The following FAM13B variants were observed in gnomAD, a reference collection of about 807,000 sequenced individuals.
FAM13B encodes the protein family with sequence similarity 13 member B.
Under a neutral mutation model 117.3 loss-of-function variants are expected in FAM13B, and 60 were observed. The ratio of observed to expected loss-of-function variants is 0.51; its 90% CI spans 0.42 to 0.63. The LOEUF is 0.63. Ranked by LOEUF, FAM13B falls within the 30% of genes least tolerant of loss-of-function variation. The pLI, the probability that FAM13B is intolerant of heterozygous loss-of-function variation, is 0.00. For missense variants in FAM13B, 972 were observed against 1,091.9 expected (o/e 0.89, Z 1.55); for synonymous variants, 332 against 356.1 (o/e 0.93, Z 0.76).
chr5:138,046,788 C>A (rs1486372585), intron 1 of FAM13B, among the ~76,000 whole-genome samples: 1 of 151,888 alleles, frequency 6.6e-6, no homozygotes, highest in Non-Finnish European at 1.5e-5. Flanking sequence ...ACTCTGTCAC[C>A]CAGGCTGGAG....
chr5:138,037,974 AAC>A (rs1791316729), upstream of FAM13B, among the ~76,000 whole-genome samples: 1 of 152,244 alleles, frequency 6.6e-6, no homozygotes, highest in African/African-American at 2.4e-5. Context: ...CAAATAGGGA[AAC>A]AGACTTAAAT....
At chr5:138,031,519 T>C (rs1277498019) in intron 1 of FAM13B, among the ~76,000 whole-genome samples, 2 of 152,050 alleles carry the variant, frequency 1.3e-5, no homozygotes, top group African/African-American at 4.8e-5. Context: ...ATCTGATCTC[T>C]ACCAAAAATA....
chr5:138,049,210 G>A (rs1451694127), intron 1 of FAM13B, among the ~76,000 whole-genome samples: 7 of 152,168 alleles, frequency 4.6e-5, no homozygotes, highest in Admixed American at 4.6e-4. Context: ...CCAAAGTGCT[G>A]GGATTACAGG....
rs141572995 is a variant in FAM13B, at chr5:138,047,874, CCCAG to C, written c.-203+4000_-203+4003del. Among the ~76,000 whole-genome samples, 15 of 152,314 alleles carry C rather than the reference CCCAG, an allele frequency of 9.8e-5. 1 individual carries two copies. In the East Asian group the frequency reaches 2.7e-3, roughly 27 times the overall value. ...TATTCCTCTAGGGGCCTGACTTTAG[CCCAG>C]TGAGACCCACGTCAGACTGCTGACC... is the stretch of plus-strand genomic sequence containing the variant. On this transcript the variant is annotated intron_variant, in intron 1 of 3. Transcript: ENST00000502471.
At chr5:138,040,586 AAAG>A (rs747338438) in intron 1 of FAM13B, among the ~76,000 whole-genome samples, 7 of 152,118 alleles carry the variant, frequency 4.6e-5, no homozygotes, top group South Asian at 4.1e-4. Context: ...AACAAACAAA[AAAG>A]AAGGAGATAA....
chr5:138,023,691 C>G (rs1166027224), intron 1 of FAM13B, among the ~76,000 whole-genome samples: 1 of 152,158 alleles, frequency 6.6e-6, no homozygotes, highest in Non-Finnish European at 1.5e-5. Flanking sequence ...ACCTCAGCCT[C>G]TTGAGTAGCT....
intron 1 of FAM13B, among the ~76,000 whole-genome samples, chr5:138,050,318 T>G (rs1467544685): frequency 6.6e-6 from 1 of 152,120 alleles, no homozygotes; most frequent in Non-Finnish European, 1.5e-5. Flanking sequence ...ACGCCTGTAA[T>G]CCCAGCTACT....
intron 10 of FAM13B, among the ~76,000 whole-genome samples, chr5:137,972,453 C>T (rs1291358453): frequency 4.0e-5 from 6 of 150,554 alleles, no homozygotes; most frequent in East Asian, 1.9e-4. Flanking sequence ...ATTGATGGGA[C>T]GTATCTCAAA....
chr5:138,049,459 G>A (rs1319777715), intron 1 of FAM13B, among the ~76,000 whole-genome samples: 2 of 151,412 alleles, frequency 1.3e-5, no homozygotes, highest in East Asian at 3.9e-4. Flanking sequence ...TTTTAGTAGA[G>A]GTGGGGTTTC....
intron 1 of FAM13B, among the ~76,000 whole-genome samples, chr5:138,043,179 C>T (rs1040159822): frequency 1.3e-5 from 2 of 152,008 alleles, no homozygotes; most frequent in Middle Eastern, 3.2e-3. Context: ...GCCTGAGCAC[C>T]ATAGTGAGAC....
In FAM13B at chr5:138,018,949, G is replaced by GTA. The variant is rs750133656; in HGVS notation, c.157+4_157+5dup. On this transcript the variant is annotated splice_donor_region_variant and intron_variant, in intron 3 of 23. Coordinates refer to ENST00000689681, the MANE Select transcript of FAM13B (RefSeq NM_001385994.1). ...AAGCTAGCCCTCAAAGTAAGGAAAT[G>GTA]TATACCATGTTCCTCAATATAGTCC... The GTA allele has an allele frequency of 1.2e-6, 2 of 1,604,696 alleles. No homozygotes were observed. Among genetic ancestry groups the GTA allele is most frequent in the East Asian group, 4.5e-5 (2 of 44,818 alleles).
chr5:137,973,091 A>C (rs1485587570), intron 10 of FAM13B, among the ~76,000 whole-genome samples: 1 of 152,332 alleles, frequency 6.6e-6, no homozygotes, highest in East Asian at 1.9e-4. Context: ...CTTTCTTCAC[A>C]GAATTGGAAA....
chr5:137,978,712 A>G (rs1774759448), intron 10 of FAM13B, among the ~76,000 whole-genome samples: 2 of 152,094 alleles, frequency 1.3e-5, no homozygotes, highest in African/African-American at 4.8e-5. Context: ...TTTTCCTCCA[A>G]AGAGCTAGAA....
intron 7 of FAM13B, among the ~76,000 whole-genome samples, chr5:137,994,638 T>TA (rs1285983619): frequency 1.3e-5 from 2 of 152,168 alleles, no homozygotes; most frequent in Non-Finnish European, 2.9e-5. Flanking sequence ...AAAGACCACA[T>TA]AAAAATGCTA....
intron 1 of FAM13B, among the ~76,000 whole-genome samples, chr5:138,032,560 C>T (rs1332043028): frequency 6.6e-6 from 1 of 152,294 alleles, no homozygotes; most frequent in African/African-American, 2.4e-5. Context: ...GCTGCCACAC[C>T]CCCCGGCAGC....
chr5:137,964,020 T>C (rs145151296), intron 10 of FAM13B, among the ~76,000 whole-genome samples: 1 of 152,160 alleles, frequency 6.6e-6, no homozygotes, highest in Non-Finnish European at 1.5e-5. Flanking sequence ...TCTGGGCACA[T>C]GAAATAACCA....
chr5:137,986,341 T>TA (rs571344423), intron 9 of FAM13B, among the ~76,000 whole-genome samples: 5,854 of 147,162 alleles, frequency 0.04, 148 homozygotes, highest in Middle Eastern at 0.069. Context: ...AAAACTGTCT[T>TA]AAAAAAAAAA....
intron 6 of FAM13B, among the ~76,000 whole-genome samples, chr5:138,010,033 T>C (rs992757993): frequency 2.0e-5 from 3 of 152,100 alleles, no homozygotes; most frequent in Middle Eastern, 3.2e-3. Flanking sequence ...CAGGCTGAAG[T>C]GCAGTGCTAC....
chr5:137,941,898 TGAGTTA>T lies in FAM13B; in HGVS notation c.2690+40_2690+45del. On this transcript the variant is annotated intron_variant, in intron 23 of 23. Coordinates refer to ENST00000689681, the MANE Select transcript of FAM13B (RefSeq NM_001385994.1). ...ATTATTTCAACATATGGTCAGTTTG[TGAGTTA>T]GAGAAGAAAGATGACTCAATTTTGT... is the stretch of plus-strand genomic sequence containing the variant. 2.1e-6 allele frequency: 3 copies of T among 1,439,450 alleles called. No homozygotes were observed. In the South Asian group the frequency reaches 3.5e-5, roughly 17 times the overall value. The allele number at this position is 1,439,450 out of a possible 1,614,324, so 89.2% of individuals were successfully genotyped here. A position where few individuals can be genotyped will look rare whatever the true frequency, so the allele number is the denominator to read the frequency against.
Sources: allele counts gnomAD v4.1 joint callset (sites outside exome capture counted in the v4.1 genomes callset), GRCh38; gene constraint gnomAD v4.1.1; transcripts MANE v1.5; gene names NCBI Gene and HGNC (gene_info 2026-07-23, HGNC 2026-07-21).